LIMS1: variants seen among roughly 807,000 people sequenced by gnomAD.
The protein encoded by LIMS1 is LIM zinc finger domain containing 1.
In LIMS1, 18 loss-of-function variants were observed where a neutral mutation model predicts 44.1. That is an observed-to-expected ratio of 0.41 (90% CI 0.28 to 0.61). LIMS1 has a LOEUF of 0.61. Among genes scored for constraint, LIMS1 ranks in the 20% least tolerant of loss-of-function variants. LIMS1 has a pLI of 0.32. For synonymous variants in LIMS1, 93 were observed against 149.1 expected (o/e 0.62, Z 2.74); for missense variants, 201 against 422.0 (o/e 0.48, Z 4.59).
intron 1 of LIMS1, among the ~76,000 whole-genome samples, chr2:108,594,171 A>C (rs913640410): frequency 1.3e-5 from 2 of 152,196 alleles, no homozygotes; most frequent in Admixed American, 6.5e-5. Context: ...AGGAGTAAAA[A>C]ATTCAGCTGT....
chr2:108,641,269 A>G (rs545647755), intron 1 of LIMS1, among the ~76,000 whole-genome samples: 2 of 152,354 alleles, frequency 1.3e-5, no homozygotes, highest in African/African-American at 4.8e-5. Context: ...GGAAATAAAT[A>G]CAGTTAAGAT....
chr2:108,558,313 G>A (rs931733599), intron 1 of LIMS1, among the ~76,000 whole-genome samples: 1 of 151,862 alleles, frequency 6.6e-6, no homozygotes, highest in African/African-American at 2.4e-5. Flanking sequence ...CACCTCGTGG[G>A]TTCACGCCAT....
intron 1 of LIMS1, among the ~76,000 whole-genome samples, chr2:108,571,228 G>A (rs17036517): frequency 0.012 from 1,832 of 152,260 alleles, 45 homozygotes; most frequent in African/African-American, 0.043. Context: ...AAGATATAAG[G>A]TTGTCTTTCT....
At chr2:108,667,438 T>C (rs1454524794) in intron 2 of LIMS1, among the ~76,000 whole-genome samples, 1 of 151,914 alleles carries the variant, frequency 6.6e-6, no homozygotes, top group Non-Finnish European at 1.5e-5. Flanking sequence ...CCATGGTCAG[T>C]GTTCTTGACT....
intron 1 of LIMS1, among the ~76,000 whole-genome samples, chr2:108,611,916 T>C (rs1294275897): frequency 8.3e-6 from 1 of 120,954 alleles, no homozygotes; most frequent in African/African-American, 3.0e-5. Flanking sequence ...TATACACACA[T>C]ATAAAATATA....
chr2:108,573,306 CTTT>C (rs1313789655), intron 1 of LIMS1, among the ~76,000 whole-genome samples: 1 of 141,012 alleles, frequency 7.1e-6, no homozygotes. Context: ...CTTTTCTTTT[CTTT>C]TTTTTTTTTT....
At chr2:108,586,197 A>T (rs1211092882) in intron 1 of LIMS1, among the ~76,000 whole-genome samples, 1 of 151,762 alleles carries the variant, frequency 6.6e-6, no homozygotes. Context: ...GTCTCAAAAC[A>T]CAAAAAAAAA....
intron 1 of LIMS1, among the ~76,000 whole-genome samples, chr2:108,616,197 CTTTTTTTTTTTTTT>C (rs1159229290): frequency 1.4e-5 from 1 of 71,950 alleles, no homozygotes; most frequent in Non-Finnish European, 2.4e-5. Context: ...TTTGCATGGG[CTTTTTTTTTTTTTT>C]TTTTTTTTTT....
At chr2:108,559,979 T>TC (rs1261790604) in intron 1 of LIMS1, among the ~76,000 whole-genome samples, 3 of 150,918 alleles carry the variant, frequency 2.0e-5, no homozygotes, top group Non-Finnish European at 4.4e-5. Context: ...TCCTGGGTTC[T>TC]CCCCACGTTG....
chr2:108,621,562 T>C, intron 1 of LIMS1: 1 of 820,260 alleles, frequency 1.2e-6, no homozygotes, highest in South Asian at 1.5e-5. Context: ...AAGTACTCAT[T>C]GAAAAGTAGC....
At chr2:108,617,180 T>C (rs1197953907) in intron 1 of LIMS1, among the ~76,000 whole-genome samples, 9 of 152,188 alleles carry the variant, frequency 5.9e-5, no homozygotes, top group Admixed American at 5.2e-4. Flanking sequence ...GGAGAAATAA[T>C]TGATGATTCA....
intron 1 of LIMS1, among the ~76,000 whole-genome samples, chr2:108,572,443 C>G (rs139049661): frequency 1.5e-5 from 2 of 136,846 alleles, no homozygotes; most frequent in African/African-American, 2.8e-5. Flanking sequence ...AGTGCAGTGG[C>G]GCAGTCTCAG....
chr2:108,633,009 T>C (rs1689015572), intron 1 of LIMS1, among the ~76,000 whole-genome samples: 2 of 152,184 alleles, frequency 1.3e-5, no homozygotes, highest in Admixed American at 6.5e-5. Context: ...GGTGACTCCC[T>C]TGTCCCCTTC....
rs190463655 is a variant in LIMS1 at position 108,643,309 on chromosome 2, A to G, written c.33-16296A>G. Among the ~76,000 whole-genome samples the G allele has an allele frequency of 6.6e-5, 10 of 152,254 alleles. No individual in the cohort carries two copies. In the East Asian group the frequency reaches 1.7e-3, roughly 27 times the overall value. ...CCACCTGAGGTACTCAGTTCATCTC[A>G]TTGGGACTGGTTGGACAGTGGGTGC... On this transcript the variant is annotated intron_variant, in intron 1 of 9. Coordinates refer to ENST00000544547, the Ensembl canonical transcript of LIMS1.
At chr2:108,650,492 A>G (rs1156567614) in intron 1 of LIMS1, among the ~76,000 whole-genome samples, 1 of 150,138 alleles carries the variant, frequency 6.7e-6, no homozygotes, top group Non-Finnish European at 1.5e-5. Flanking sequence ...ATCTCGGCTC[A>G]CTGCAGCCTC....
intron 1 of LIMS1, among the ~76,000 whole-genome samples, chr2:108,603,539 C>T (rs924350628): frequency 6.0e-5 from 7 of 116,066 alleles, no homozygotes; most frequent in African/African-American, 2.3e-4. Context: ...GAGTCTTGCT[C>T]TGTCACCTAG....
intron 1 of LIMS1, among the ~76,000 whole-genome samples, chr2:108,567,530 T>C (rs955890046): frequency 3.9e-5 from 6 of 152,332 alleles, no homozygotes; most frequent in African/African-American, 1.2e-4. Flanking sequence ...AACGATGTGG[T>C]ACAAAAGCAC....
chr2:108,550,288 G>T lies in LIMS1; in HGVS notation c.32+15694G>T, dbSNP rs184124397. 3.3e-3 allele frequency among the ~76,000 whole-genome samples: 498 copies of T among 151,664 alleles called. 2 individuals carry two copies. The highest frequency in any genetic ancestry group is 0.011 in the African/African-American group (474 of 41,288). On this transcript the variant is annotated intron_variant, in intron 1 of 9. Transcript: ENST00000544547. ...AGGTAGGAGGATCGTGAGGTCAGGA[G>T]ATCGAGACCATCCTGGCTAACACGG... is the stretch of plus-strand genomic sequence containing the variant.
In LIMS1 at chr2:108,549,279, C is replaced by CTTTTTTTT. The variant is rs71381966; in HGVS notation, c.32+14711_32+14718dup. The stretch of plus-strand genomic sequence containing the variant: ...ATAATAATGTACAAGTAAAGTGTTT[C>CTTTTTTTT]TTTTTTTTTTTTTTTTTTTTTTTTT... On this transcript the variant is annotated intron_variant, in intron 1 of 9. Coordinates refer to ENST00000544547, the Ensembl canonical transcript of LIMS1. Among the ~76,000 whole-genome samples, 74 of 55,796 alleles carry CTTTTTTTT rather than the reference C, an allele frequency of 1.3e-3. 11 individuals carry two copies. The highest frequency in any genetic ancestry group is 1.7e-3 in the Non-Finnish European group (55 of 32,030). 36.6% of individuals were successfully genotyped at this position (55,796 alleles called of 152,430 possible). A position where few individuals can be genotyped will look rare whatever the true frequency, so the allele number is the denominator to read the frequency against.
Sources: gnomAD v4.1 joint callset for allele counts (sites outside exome capture counted in the v4.1 genomes callset) on GRCh38, gnomAD v4.1.1 for gene constraint, MANE v1.5 for transcripts, NCBI Gene and HGNC (gene_info 2026-07-23, HGNC 2026-07-21) for gene names.